ITFG1: variants seen among roughly 807,000 people sequenced by gnomAD.
ITFG1 encodes the protein T-cell immunomodulatory protein.
Under a neutral mutation model 81.8 loss-of-function variants are expected in ITFG1, and 34 were observed. That is an observed-to-expected ratio of 0.42 (90% CI 0.32 to 0.55). The LOEUF is 0.55. ITFG1 is among the 20% of genes least tolerant of loss of function. The pLI, the probability that ITFG1 is intolerant of heterozygous loss-of-function variation, is 0.17. For missense variants in ITFG1, 672 were observed against 755.4 expected (o/e 0.89, Z 1.29); for synonymous variants, 285 against 270.6 (o/e 1.05, Z -0.52).
chr16:47,336,825 T>C (rs1188847043), intron 8 of ITFG1, among the ~76,000 whole-genome samples: 2 of 151,930 alleles, frequency 1.3e-5, no homozygotes, highest in Non-Finnish European at 2.9e-5. Flanking sequence ...TAGCCGGGCA[T>C]GGTGACACAT....
At chr16:47,429,846 A>G (rs932257924) in intron 5 of ITFG1, among the ~76,000 whole-genome samples, 1 of 152,030 alleles carries the variant, frequency 6.6e-6, no homozygotes, top group Non-Finnish European at 1.5e-5. Context: ...TTATTTTTAG[A>G]TACACGGGTC....
intron 12 of ITFG1, among the ~76,000 whole-genome samples, chr16:47,246,848 G>A (rs1447509901): frequency 1.3e-5 from 2 of 152,050 alleles, no homozygotes; most frequent in Non-Finnish European, 2.9e-5. Context: ...TGTTGCCCAC[G>A]CTGAAATGCA....
chr16:47,281,765 C>T (rs1420530273), intron 10 of ITFG1, among the ~76,000 whole-genome samples: 1 of 150,622 alleles, frequency 6.6e-6, no homozygotes, highest in Non-Finnish European at 1.5e-5. Context: ...ACAATCCTCT[C>T]TTTTTTTTTG....
intron 10 of ITFG1, among the ~76,000 whole-genome samples, chr16:47,306,710 T>C (rs1442328486): frequency 1.3e-5 from 2 of 151,632 alleles, no homozygotes; most frequent in Non-Finnish European, 2.9e-5. Flanking sequence ...ACATAAAATA[T>C]TCATAGAAGA....
At chr16:47,327,429 T>A (rs998641595) in intron 8 of ITFG1, among the ~76,000 whole-genome samples, 3 of 152,026 alleles carry the variant, frequency 2.0e-5, no homozygotes, top group African/African-American at 7.2e-5. Flanking sequence ...GGACTGCATG[T>A]CTAAAACACC....
At chr16:47,259,065 G>A (rs1966174807) in intron 11 of ITFG1, among the ~76,000 whole-genome samples, 1 of 152,172 alleles carries the variant, frequency 6.6e-6, no homozygotes, top group African/African-American at 2.4e-5. Flanking sequence ...AACCATCAGG[G>A]GGAGTACCTT....
intron 6 of ITFG1, among the ~76,000 whole-genome samples, chr16:47,424,226 T>C (rs951107212): frequency 1.5e-4 from 23 of 152,362 alleles, no homozygotes; most frequent in African/African-American, 5.3e-4. Context: ...GAATCAGCTA[T>C]TGAAGCTTGT....
chr16:47,317,085 A>G (rs988766646), intron 8 of ITFG1, among the ~76,000 whole-genome samples: 2 of 152,236 alleles, frequency 1.3e-5, no homozygotes, highest in African/African-American at 4.8e-5. Context: ...TACAAAAACC[A>G]GTGTAAAAAT....
At chr16:47,338,297 A>G (rs888561294) in intron 8 of ITFG1, among the ~76,000 whole-genome samples, 2 of 152,008 alleles carry the variant, frequency 1.3e-5, no homozygotes, top group African/African-American at 4.8e-5. Context: ...CATAATCCCT[A>G]CTCGGGAGGC....
At chr16:47,419,939 TTTTC>T (rs773473818) in intron 6 of ITFG1, among the ~76,000 whole-genome samples, 5 of 151,656 alleles carry the variant, frequency 3.3e-5, no homozygotes, top group Non-Finnish European at 7.4e-5. Context: ...TTTCACCTTT[TTTTC>T]TTTATCTTCT....
intron 10 of ITFG1, among the ~76,000 whole-genome samples, chr16:47,278,754 T>C (rs1057362804): frequency 1.3e-5 from 2 of 152,156 alleles, no homozygotes; most frequent in African/African-American, 4.8e-5. Flanking sequence ...TTACCATATG[T>C]GAAGGGAAAA....
Position 47,289,997 on chromosome 16 carries a change from A to G in ITFG1, c.1070+21243T>C, listed in dbSNP as rs1390315177. ...TTTATATCAGCTTTTGCTGTATCCC[A>G]CAGGTTTCGGTATGCTGTTTTCCTA... On this transcript the variant is annotated intron_variant, in intron 10 of 17. Transcript: ENST00000320640. Among the ~76,000 whole-genome samples the G allele has an allele frequency of 2.6e-5, 4 of 152,228 alleles. No individual in the cohort carries two copies. The East Asian group carries it at 7.7e-4, about 29-fold the overall frequency.
chr16:47,325,191 G>T (rs558603133), intron 8 of ITFG1, among the ~76,000 whole-genome samples: 2 of 152,176 alleles, frequency 1.3e-5, no homozygotes, highest in African/African-American at 2.4e-5. Context: ...ACTCAAAACC[G>T]CTCAACTACA....
chr16:47,325,864 A>T (rs545220137), intron 8 of ITFG1, among the ~76,000 whole-genome samples: 1 of 152,062 alleles, frequency 6.6e-6, no homozygotes, highest in South Asian at 2.1e-4. Flanking sequence ...TCCAGGACCA[A>T]ATGGATTCAC....
chr16:47,361,092 T>G (rs1968102555), intron 8 of ITFG1, among the ~76,000 whole-genome samples: 1 of 152,202 alleles, frequency 6.6e-6, no homozygotes, highest in Non-Finnish European at 1.5e-5. Context: ...TTAGTTCCTT[T>G]ATTTTTTATA....
chr16:47,319,629 G>T (rs1427973715), intron 8 of ITFG1, among the ~76,000 whole-genome samples: 1 of 152,060 alleles, frequency 6.6e-6, no homozygotes, highest in Non-Finnish European at 1.5e-5. Context: ...TTTGCAGAAA[G>T]AATTACTAAG....
At chr16:47,324,777 G>A (rs1967506057) in intron 8 of ITFG1, among the ~76,000 whole-genome samples, 1 of 152,150 alleles carries the variant, frequency 6.6e-6, no homozygotes, top group Non-Finnish European at 1.5e-5. Flanking sequence ...TCAACAAGAA[G>A]AGCTAACTAT....
chr16:47,195,207 G>A (rs548967807), intron 14 of ITFG1, among the ~76,000 whole-genome samples: 1 of 151,890 alleles, frequency 6.6e-6, no homozygotes, highest in South Asian at 2.1e-4. Context: ...TAAATGTGTG[G>A]TTGTGTTTGT....
chr16:47,191,517 T>C (rs981471199), intron 14 of ITFG1, among the ~76,000 whole-genome samples: 2 of 152,140 alleles, frequency 1.3e-5, no homozygotes, highest in African/African-American at 4.8e-5. Context: ...GACATGCCTG[T>C]ATTACAGTGT....
Sources: gnomAD v4.1 joint callset for allele counts (sites outside exome capture counted in the v4.1 genomes callset) on GRCh38, gnomAD v4.1.1 for gene constraint, MANE v1.5 for transcripts, NCBI Gene and HGNC (gene_info 2026-07-23, HGNC 2026-07-21) for gene names.